Variants in ERCC1 observed in about 807,000 individuals in gnomAD.
ERCC1 encodes the protein ERCC excision repair 1, endonuclease non-catalytic subunit.
Under a neutral mutation model 37.6 loss-of-function variants are expected in ERCC1, and 36 were observed. The ratio of observed to expected loss-of-function variants is 0.96; its 90% confidence interval spans 0.73 to 1.26. ERCC1 has a LOEUF of 1.26. Ranked by LOEUF, ERCC1 falls within the 50% of genes most tolerant of loss-of-function variation. The pLI is 0.00. For synonymous variants in ERCC1, 156 were observed against 162.1 expected (o/e 0.96, Z 0.28); for missense variants, 349 against 376.5 (o/e 0.93, Z 0.60).
chr19:45,450,411 G>C (rs1266972936), intron 1 of ERCC1, among the ~76,000 whole-genome samples: 1 of 152,122 alleles, frequency 6.6e-6, no homozygotes, highest in Non-Finnish European at 1.5e-5. Context: ...TCCCTCTAAC[G>C]CCTCAGTTCC....
In ERCC1 at chr19:45,408,553, G is replaced by T; in HGVS notation, c.*1122C>A. 6.2e-7 allele frequency: 1 copy of T among 1,614,010 alleles called. No homozygotes were observed. The highest frequency in any genetic ancestry group is 1.1e-5 in the South Asian group (1 of 91,076). On this transcript the variant is annotated 3_prime_UTR_variant, in exon 10 of 10. Coordinates refer to ENST00000300853, the MANE Select transcript of ERCC1 (RefSeq NM_001983.4). ...CTCAGGAGGCAGTGAATGGGCACGG[G>T]GCCCTGGAGGTGGACATGGCTTTGG...
chr19:45,421,527 T>A (rs1974428288), intron 2 of ERCC1, 134 bp from the exon 3 acceptor site: 2 of 644,876 alleles, frequency 3.1e-6, no homozygotes, highest in Non-Finnish European at 5.2e-6. Context: ...TGGAGTGTAG[T>A]GGCACTATCT....
intron 5 of ERCC1, among the ~76,000 whole-genome samples, chr19:45,418,415 G>A (rs564046062): frequency 2.0e-4 from 31 of 152,302 alleles, no homozygotes; most frequent in African/African-American, 7.5e-4. Context: ...AGTTGCTCGA[G>A]AGGCTGAGGC....
upstream of ERCC1, among the ~76,000 whole-genome samples, chr19:45,424,817 T>C (rs1974632498): frequency 6.6e-6 from 1 of 152,168 alleles, no homozygotes; most frequent in Non-Finnish European, 1.5e-5. Context: ...AAGTTATTTG[T>C]GTTTATGCGC....
chr19:45,423,165 GC>G, intron 2 of ERCC1, 104 bp downstream of exon 2: 1 of 1,130,822 alleles, frequency 8.8e-7, no homozygotes, highest in Middle Eastern at 2.0e-4. Context: ...GTCGTCCGTG[GC>G]CCCCAAATCC....
At chr19:45,413,896 G>T in intron 8 of ERCC1, 67 bp downstream of exon 8, 1 of 1,575,706 alleles carries the variant, frequency 6.3e-7, no homozygotes, top group Non-Finnish European at 8.7e-7. Context: ...GAAGGAAATG[G>T]GTGACAGGCT....
intron 9 of ERCC1, among the ~76,000 whole-genome samples, chr19:45,411,825 T>A (rs1973755586): frequency 6.7e-6 from 1 of 149,880 alleles, no homozygotes; most frequent in African/African-American, 2.5e-5. Context: ...TTAATAGAGC[T>A]GAGATGGTAT....
intron 6 of ERCC1, among the ~76,000 whole-genome samples, chr19:45,415,162 C>T (rs1429032144): frequency 1.3e-5 from 2 of 151,672 alleles, no homozygotes; most frequent in Non-Finnish European, 2.9e-5. Flanking sequence ...GGTGAAACCT[C>T]GTTTCTACTA....
At chr19:45,421,478 TTTTC>T in intron 2 of ERCC1, 85 bp from the exon 3 acceptor site, 1 of 977,828 alleles carries the variant, frequency 1.0e-6, no homozygotes, top group Non-Finnish European at 1.5e-6. Context: ...TCCCCTTTCT[TTTTC>T]TTTTTTTGAG....
intron 1 of ERCC1, among the ~76,000 whole-genome samples, chr19:45,440,501 G>T (rs148568199): frequency 4.4e-4 from 67 of 152,294 alleles, no homozygotes; most frequent in African/African-American, 1.6e-3. Flanking sequence ...GTGGGCAGGG[G>T]TAGGCTTAGA....
chr19:45,434,585 GT>G (rs907082676), intron 1 of ERCC1, among the ~76,000 whole-genome samples: 3 of 151,636 alleles, frequency 2.0e-5, no homozygotes, highest in Admixed American at 2.0e-4. Flanking sequence ...GCATTTTTTT[GT>G]TTTTGCTTTT....
chr19:45,409,199 G>T lies in ERCC1; in HGVS notation c.*476C>A. ...GGTGGTGGGGCCTGAGCTGCCGGAT[G>T]ACCTTGAGCCTCAGGCAGCTCCCAC... On this transcript the variant is annotated 3_prime_UTR_variant, in exon 10 of 10. Transcript: ENST00000300853. The T allele has an allele frequency of 6.2e-7, 1 of 1,613,498 alleles. No individual in the cohort carries two copies. The highest frequency in any genetic ancestry group is 1.1e-5 in the South Asian group (1 of 90,994).
In ERCC1 at chr19:45,409,231, CAAGAAG is replaced by C. The variant is rs35729377; in HGVS notation, c.*438_*443del. 1.1e-4 allele frequency: 167 copies of C among 1,587,292 alleles called. No homozygotes were observed. Among genetic ancestry groups the C allele is most frequent in the African/African-American group, 3.1e-4 (23 of 74,668 alleles). On this transcript the variant is annotated 3_prime_UTR_variant, in exon 10 of 10. Coordinates refer to ENST00000300853, the MANE Select transcript of ERCC1 (RefSeq NM_001983.4). ...AGCCTCAGGCAGCTCCCACATCCAC[CAAGAAG>C]AAGAAGAAGAAGAAAGAGAGAGGTC... is the stretch of plus-strand genomic sequence containing the variant.
chr19:45,441,025 G>A (rs1236007814), intron 1 of ERCC1, among the ~76,000 whole-genome samples: 2 of 152,176 alleles, frequency 1.3e-5, no homozygotes, highest in African/African-American at 4.8e-5. Context: ...TGACAGGCAT[G>A]AGCTACAGAG....
In ERCC1 at chr19:45,408,853, G is replaced by T. The variant is rs1173626984; in HGVS notation, c.*822C>A. 3.1e-6 allele frequency: 5 copies of T among 1,614,050 alleles called. No homozygotes were observed. Among genetic ancestry groups the T allele is most frequent in the Admixed American group, 1.7e-5 (1 of 60,004 alleles). ...CCAAAAAGAGAAAGAGGCAAAAGGGGACGGAAGGGATGGAGCCAGAGGAGG... is the reference window on the plus strand; with the variant it reads ...CCAAAAAGAGAAAGAGGCAAAAGGGTACGGAAGGGATGGAGCCAGAGGAGG... On this transcript the variant is annotated 3_prime_UTR_variant, in exon 10 of 10. Transcript: ENST00000300853.
chr19:45,434,328 C>A (rs1252350601), intron 1 of ERCC1, among the ~76,000 whole-genome samples: 22 of 138,256 alleles, frequency 1.6e-4, no homozygotes, highest in African/African-American at 1.3e-4. Flanking sequence ...CCAAAAAATA[C>A]AAAAAAAAAA....
At chr19:45,437,224 G>C (rs1018162597) in intron 1 of ERCC1, among the ~76,000 whole-genome samples, 1 of 152,094 alleles carries the variant, frequency 6.6e-6, no homozygotes, top group East Asian at 1.9e-4. Context: ...ACTTCGGCCT[G>C]GGCGACAGGA....
At chr19:45,427,922 G>T (rs933054826), upstream of ERCC1, among the ~76,000 whole-genome samples, 1 of 152,152 alleles carries the variant, frequency 6.6e-6, no homozygotes, top group African/African-American at 2.4e-5. Flanking sequence ...TGCGGTAAAG[G>T]GCCCGCCGCC....
chr19:45,425,909 ATC>A (rs1974678799), upstream of ERCC1, among the ~76,000 whole-genome samples: 1 of 151,704 alleles, frequency 6.6e-6, no homozygotes, highest in Non-Finnish European at 1.5e-5. Flanking sequence ...TCAGTCTTTC[ATC>A]TATGGGTGTC....
Sources: gnomAD v4.1 joint callset for allele counts (sites outside exome capture counted in the v4.1 genomes callset) on GRCh38, gnomAD v4.1.1 for gene constraint, MANE v1.5 for transcripts, NCBI Gene and HGNC (gene_info 2026-07-23, HGNC 2026-07-21) for gene names.